MIPEP: variants seen among roughly 807,000 people sequenced by gnomAD.
MIPEP encodes mitochondrial intermediate peptidase.
A neutral mutation model predicts 90.3 loss-of-function variants in MIPEP; 79 were observed. That is an observed-to-expected ratio of 0.87 (90% CI 0.73 to 1.05). The LOEUF is 1.05. MIPEP is among the 50% of genes least tolerant of loss of function. MIPEP has a pLI of 0.00. For synonymous variants in MIPEP, 334 were observed against 315.8 expected (o/e 1.06, Z -0.61); for missense variants, 940 against 905.6 (o/e 1.04, Z -0.49).
chr13:23,831,383 C>CGGGGGGA (rs1555237541), intron 14 of MIPEP, among the ~76,000 whole-genome samples: 23 of 40,810 alleles, frequency 5.6e-4, no homozygotes, highest in East Asian at 9.5e-4. Flanking sequence ...TTCCCCATGG[C>CGGGGGGA]GGGGGGGGGA....
chr13:23,837,650 G>A lies in MIPEP; in HGVS notation c.1445C>T (p.Pro482Leu), dbSNP rs2137457137. The A allele has an allele frequency of 1.9e-6, 3 of 1,613,578 alleles. No homozygotes were observed. Among genetic ancestry groups the A allele is most frequent in the East Asian group, 4.5e-5 (2 of 44,876 alleles). The part of the protein sequence containing the change: ...LNLPRSSRSS[P>L]TLLTPSMMEN... ...CATCATGCTAGGAGTTAGCAAAGTT[G>A]GAGAACTCCTTGAGGAACGGGGAAG... The change falls in exon 13 of 19, where the codon CCA becomes CTA. Residue 482 changes from proline (P) to leucine (L), a missense_variant. Transcript: ENST00000382172.
chr13:23,826,945 T>A (rs1026855333), intron 14 of MIPEP, among the ~76,000 whole-genome samples: 3 of 152,240 alleles, frequency 2.0e-5, no homozygotes, highest in African/African-American at 7.2e-5. Flanking sequence ...ATGTACAGAC[T>A]TTTTTCTTGT....
At chr13:23,860,901 C>T (rs915644208) in intron 9 of MIPEP, among the ~76,000 whole-genome samples, 2 of 152,170 alleles carry the variant, frequency 1.3e-5, no homozygotes, top group African/African-American at 4.8e-5. Flanking sequence ...CAAGAGTTCA[C>T]AGGGAGGGAG....
chr13:23,763,028 T>TA (rs1952564479), intron 16 of MIPEP, among the ~76,000 whole-genome samples: 2 of 152,228 alleles, frequency 1.3e-5, no homozygotes, highest in South Asian at 4.1e-4. Context: ...AAGTGCTATT[T>TA]AAAACGAAAG....
intron 18 of MIPEP, among the ~76,000 whole-genome samples, chr13:23,749,490 C>A (rs1952417710): frequency 6.6e-6 from 1 of 152,180 alleles, no homozygotes; most frequent in Non-Finnish European, 1.5e-5. Flanking sequence ...CTGTCTGAAA[C>A]TGAAGTGAGT....
rs1251768507 is a variant in MIPEP at position 23,809,915 on chromosome 13, T to C, written c.1663A>G (p.Lys555Glu). ...TCACAAAGACGAGACACCATATTTT[T>C]TGGCAGTGGCTTGATAAAACAAAAG... The part of the protein sequence containing the change: ...RHYQTGQPLP[K>E]NMVSRLCESK... The change falls in exon 15 of 19, where the codon AAA becomes GAA. Residue 555 changes from lysine to glutamate, a missense_variant. Transcript: ENST00000382172. The C allele has an allele frequency of 6.2e-7, 1 of 1,613,100 alleles. No homozygotes were observed. Among genetic ancestry groups the C allele is most frequent in the Non-Finnish European group, 8.5e-7 (1 of 1,179,368 alleles).
chr13:23,780,729 C>G (rs777891046), intron 16 of MIPEP, among the ~76,000 whole-genome samples: 1 of 152,126 alleles, frequency 6.6e-6, no homozygotes, highest in Non-Finnish European at 1.5e-5. Context: ...GAATGGCTAA[C>G]TAGAATAACC....
At chr13:23,874,282 A>C (rs1032866691) in intron 5 of MIPEP, among the ~76,000 whole-genome samples, 2 of 151,674 alleles carry the variant, frequency 1.3e-5, no homozygotes, top group African/African-American at 4.9e-5. Context: ...TATGTGCTAG[A>C]AAGAACAGTG....
chr13:23,847,735 GA>G (rs1328176612), intron 10 of MIPEP, among the ~76,000 whole-genome samples: 1 of 152,198 alleles, frequency 6.6e-6, no homozygotes, highest in Non-Finnish European at 1.5e-5. Flanking sequence ...TGTAAGATAA[GA>G]GATATCTTAG....
intron 9 of MIPEP, 147 bp downstream of exon 9, chr13:23,862,155 T>G (rs1192255027): frequency 5.1e-6 from 3 of 591,494 alleles, no homozygotes; most frequent in Non-Finnish European, 9.3e-6. Context: ...AATCAAATAT[T>G]TCAACATCTT....
chr13:23,878,118 T>C lies in MIPEP; in HGVS notation c.539+1150A>G, dbSNP rs186404443. 2.3e-3 allele frequency among the ~76,000 whole-genome samples: 348 copies of C among 152,350 alleles called. 2 individuals are homozygous for C. The highest frequency in any genetic ancestry group is 0.01 in the Middle Eastern group (3 of 294). On this transcript the variant is annotated intron_variant, in intron 4 of 18. Coordinates refer to ENST00000382172, the MANE Select transcript of MIPEP (RefSeq NM_005932.4). The stretch of plus-strand genomic sequence containing the variant: ...CAGTAAATAGAGATTATGAATAACC[T>C]TCTATTTTTAACATTGTTTGTTGTT...
chr13:23,746,011 C>G (rs1299429057), intron 18 of MIPEP, among the ~76,000 whole-genome samples: 1 of 82,336 alleles, frequency 1.2e-5, no homozygotes, highest in Admixed American at 2.0e-4. Flanking sequence ...GCCCACTCAG[C>G]ACACTTTTTT....
chr13:23,750,475 C>A (rs571466493), intron 18 of MIPEP, among the ~76,000 whole-genome samples: 2 of 152,284 alleles, frequency 1.3e-5, no homozygotes, highest in African/African-American at 4.8e-5. Context: ...GTGTGTCTGG[C>A]ATTTTTCTCA....
chr13:23,859,022 G>A (rs1330784118), intron 9 of MIPEP, 110 bp from the exon 10 acceptor site: 1 of 858,760 alleles, frequency 1.2e-6, no homozygotes, highest in African/African-American at 1.7e-5. Context: ...ATGTAAATCA[G>A]AACAATTTTA....
At chr13:23,861,622 T>G (rs756338638) in intron 9 of MIPEP, among the ~76,000 whole-genome samples, 5 of 152,138 alleles carry the variant, frequency 3.3e-5, no homozygotes, top group Non-Finnish European at 7.3e-5. Flanking sequence ...AGCAACTAAG[T>G]CAAGAACTAA....
At chr13:23,879,020 C>T (rs528851359) in intron 4 of MIPEP, among the ~76,000 whole-genome samples, 3 of 152,206 alleles carry the variant, frequency 2.0e-5, no homozygotes, top group Admixed American at 6.5e-5. Context: ...AAACAGGATA[C>T]GTTGGAAGGA....
intron 14 of MIPEP, among the ~76,000 whole-genome samples, chr13:23,831,129 G>T (rs1868716114): frequency 6.6e-6 from 1 of 152,120 alleles, no homozygotes; most frequent in Admixed American, 6.5e-5. Flanking sequence ...CACACATCTG[G>T]GGAAAATTCA....
rs1243654045 is a variant in MIPEP at position 23,879,455 on chromosome 13, A to G, written c.453-101T>C. On this transcript the variant is annotated intron_variant, in intron 3 of 18. Coordinates refer to ENST00000382172, the MANE Select transcript of MIPEP (RefSeq NM_005932.4). ...GTCAGCTTGTACCACACACATGCCC[A>G]GAAGCTGAACAGCATAACCTACCAG... 7.6e-6 allele frequency: 5 copies of G among 661,738 alleles called. No individual in the cohort carries two copies. In the Admixed American group the frequency reaches 9.7e-5, roughly 13 times the overall value. 41.0% of individuals were successfully genotyped at this position (661,738 alleles called of 1,614,324 possible).
At chr13:23,738,863 C>T (rs1188239921) in intron 18 of MIPEP, among the ~76,000 whole-genome samples, 2 of 152,176 alleles carry the variant, frequency 1.3e-5, no homozygotes, top group African/African-American at 4.8e-5. Flanking sequence ...CCATCCGAGC[C>T]CTGCTGAATC....
Sources: allele counts gnomAD v4.1 joint callset (sites outside exome capture counted in the v4.1 genomes callset), GRCh38; gene constraint gnomAD v4.1.1; transcripts MANE v1.5; gene names NCBI Gene and HGNC (gene_info 2026-07-23, HGNC 2026-07-21).